Variants in SCYL2 observed in about 807,000 individuals in gnomAD.
SCYL2 encodes SCY1-like protein 2.
A neutral mutation model predicts 100.4 loss-of-function variants in SCYL2; 36 were observed. The ratio of observed to expected loss-of-function variants is 0.36; its 90% CI spans 0.27 to 0.47. SCYL2 has a LOEUF of 0.47. SCYL2 is among the 20% of genes least tolerant of loss of function. The probability of loss-of-function intolerance (pLI) is 1.00; values close to 1 mark genes in which losing one functional copy is unlikely to be tolerated. For synonymous variants in SCYL2, 330 were observed against 359.2 expected, an observed-to-expected ratio of 0.92 and a Z score of 0.92; for missense variants, 902 against 1,083.9, an observed-to-expected ratio of 0.83 and a Z score of 2.36.
At position 100,301,112 on chromosome 12, in the gene SCYL2, G is replaced by A. The variant is rs185029213; in HGVS notation, c.480+2937G>A. On this transcript the variant is annotated intron_variant, in intron 4 of 17. Coordinates refer to ENST00000360820, the MANE Select transcript of SCYL2 (RefSeq NM_017988.6). ...AGTTCTTGTACTAATTTACATCCCC[G>A]CCAACAGTGTACGAGGGTTCTATAT... is the stretch of plus-strand genomic sequence containing the variant. 5.9e-5 allele frequency among the ~76,000 whole-genome samples: 9 copies of A among 152,156 alleles called. No individual in the cohort carries two copies. In the East Asian group the frequency reaches 1.5e-3, roughly 26 times the overall value.
chr12:100,310,826 C>T (rs899860376), intron 4 of SCYL2, among the ~76,000 whole-genome samples: 8 of 152,158 alleles, frequency 5.3e-5, no homozygotes, highest in Admixed American at 4.6e-4. Context: ...AATAGGTGTA[C>T]TCTGGTTTTA....
Position 100,273,315 on chromosome 12 carries a change from T to C in SCYL2, c.-29+5523T>C, listed in dbSNP as rs554681450. Among the ~76,000 whole-genome samples, 12 of 152,314 alleles carry C rather than the reference T, an allele frequency of 7.9e-5. No individual in the cohort carries two copies. In the East Asian group the frequency reaches 2.3e-3, roughly 29 times the overall value. On this transcript the variant is annotated intron_variant, in intron 1 of 17. Coordinates refer to ENST00000360820, the MANE Select transcript of SCYL2 (RefSeq NM_017988.6). ...AGTTTACTCCTCTAGCATTACTGTT[T>C]TTGGGAAACATTCTATTCCTCTTCT... is the stretch of plus-strand genomic sequence containing the variant.
At chr12:100,281,943 T>G (rs1286175103) in intron 1 of SCYL2, among the ~76,000 whole-genome samples, 1 of 151,976 alleles carries the variant, frequency 6.6e-6, no homozygotes, top group East Asian at 1.9e-4. Context: ...TCAACACCTG[T>G]GAAAAGGGGT....
intron 4 of SCYL2, among the ~76,000 whole-genome samples, chr12:100,307,558 C>CTGCCT (rs1286897610): frequency 2.6e-5 from 4 of 152,110 alleles, no homozygotes; most frequent in Non-Finnish European, 5.9e-5. Context: ...AAAACCTAGG[C>CTGCCT]AATACCATTC....
At chr12:100,284,873 A>G (rs1045854318) in intron 2 of SCYL2, among the ~76,000 whole-genome samples, 1 of 152,176 alleles carries the variant, frequency 6.6e-6, no homozygotes, top group African/African-American at 2.4e-5. Flanking sequence ...TATTTAGAGA[A>G]TAAAAACTGT....
At chr12:100,293,343 T>C (rs1189357718) in intron 3 of SCYL2, among the ~76,000 whole-genome samples, 3 of 152,138 alleles carry the variant, frequency 2.0e-5, no homozygotes, top group Admixed American at 6.5e-5. Context: ...CTGTCTGTTA[T>C]GTAATACTAT....
At chr12:100,277,016 G>A (rs528846223) in intron 1 of SCYL2, among the ~76,000 whole-genome samples, 34 of 152,046 alleles carry the variant, frequency 2.2e-4, no homozygotes, top group African/African-American at 6.5e-4. Context: ...ATTTAAAAGC[G>A]TTGATTAATT....
chr12:100,295,762 T>TG (rs1343187943), intron 3 of SCYL2, among the ~76,000 whole-genome samples: 3 of 147,126 alleles, frequency 2.0e-5, no homozygotes, highest in Admixed American at 6.8e-5. Context: ...GGGGAGACCG[T>TG]GGGGAGACGG....
chr12:100,334,252 G>C lies in SCYL2; in HGVS notation c.1848G>C (p.Met616Ile), dbSNP rs767337013. The C allele has an allele frequency of 6.3e-7, 1 of 1,575,634 alleles. No homozygotes were observed. The highest frequency in any genetic ancestry group is 8.7e-7 in the Non-Finnish European group (1 of 1,149,794). ...CTAAACTGGAGCAACTTCATATAATGCAAGAACAGCAGAAGTAAGTAGGTT... is the reference window on the plus strand; with the variant it reads ...CTAAACTGGAGCAACTTCATATAATCCAAGAACAGCAGAAGTAAGTAGGTT... ...HKTKLEQLHI[M>I]QEQQKSLDIG... is the part of the protein sequence containing the mutation. Residue 616 changes from methionine (M) to isoleucine (I), a missense_variant, in exon 14 of 18, where the codon ATG becomes ATC. Physicochemically the swap from Met to Ile is conservative, Grantham distance 10. Transcript: ENST00000360820.
chr12:100,309,811 A>T (rs185251378), intron 4 of SCYL2, among the ~76,000 whole-genome samples: 1 of 152,292 alleles, frequency 6.6e-6, no homozygotes, highest in East Asian at 1.9e-4. Flanking sequence ...GAATTGCTGG[A>T]TCATACACTG....
chr12:100,279,989 T>C (rs537482421), intron 1 of SCYL2, among the ~76,000 whole-genome samples: 1 of 152,350 alleles, frequency 6.6e-6, no homozygotes, highest in Non-Finnish European at 1.5e-5. Flanking sequence ...TGCCAGTTTG[T>C]CCCTCCAGCT....
intron 10 of SCYL2, among the ~76,000 whole-genome samples, chr12:100,323,051 T>A (rs1188140474): frequency 6.6e-6 from 1 of 151,258 alleles, no homozygotes; most frequent in East Asian, 1.9e-4. Context: ...AAAAAAAAAT[T>A]AAACACTCCT....
chr12:100,283,135 G>T lies in SCYL2; in HGVS notation c.165G>T (p.Lys55Asn). 1 of 1,605,214 alleles carries T rather than the reference G, an allele frequency of 6.2e-7. No individual in the cohort carries two copies. The highest frequency in any genetic ancestry group is 8.5e-7 in the Non-Finnish European group (1 of 1,176,756). Residue 55 changes from lysine (K) to asparagine (N), a missense_variant, in exon 2 of 18, where the codon AAG (lysine) becomes AAT (asparagine). By Grantham distance (94) the Lys-to-Asn change is moderately conservative. Transcript: ENST00000360820. ...LAWKIFNGTKKSTKQEVAVFV... is the reference protein window; with the variant it reads ...LAWKIFNGTKNSTKQEVAVFV... Reference sequence around the variant, plus strand: ...GGAAGATTTTTAATGGCACAAAAAAGTCAACAAAGCAGGTGAGTTTTAATT... The same window carrying T: ...GGAAGATTTTTAATGGCACAAAAAATTCAACAAAGCAGGTGAGTTTTAATT...
In SCYL2 at chr12:100,329,118, ATT is replaced by A. The variant is rs757291734; in HGVS notation, c.1643-81_1643-80del. The A allele has an allele frequency of 4.2e-4, 294 of 697,728 alleles. 1 individual carries two copies. The highest frequency in any genetic ancestry group is 6.8e-4 in the Non-Finnish European group (264 of 389,274). 43.2% of individuals were successfully genotyped at this position (697,728 alleles called of 1,614,324 possible). ...CTTGTACTACACAGATTATCAAGGG[ATT>A]TCGTATACATATATTATTTTCATGA... On this transcript the variant is annotated intron_variant, in intron 12 of 17. Coordinates refer to ENST00000360820, the MANE Select transcript of SCYL2 (RefSeq NM_017988.6).
At chr12:100,294,439 A>G (rs1271996028) in intron 3 of SCYL2, among the ~76,000 whole-genome samples, 2 of 30,750 alleles carry the variant, frequency 6.5e-5, no homozygotes, top group Non-Finnish European at 1.3e-4. Flanking sequence ...GGGGCTCCTC[A>G]CTTCCCAGTA....
At chr12:100,303,224 C>A (rs768249293) in intron 4 of SCYL2, among the ~76,000 whole-genome samples, 13 of 152,068 alleles carry the variant, frequency 8.5e-5, no homozygotes, top group Non-Finnish European at 1.6e-4. Flanking sequence ...TTTGTTTTTA[C>A]TTACCTTCTG....
At chr12:100,312,029 C>G (rs2096342791) in intron 5 of SCYL2, among the ~76,000 whole-genome samples, 1 of 152,170 alleles carries the variant, frequency 6.6e-6, no homozygotes, top group Non-Finnish European at 1.5e-5. Context: ...AACTTCCACA[C>G]ATTTGTTTAA....
Position 100,335,706 on chromosome 12 carries a change from A to G in SCYL2, c.1929+15A>G, listed in dbSNP as rs142143070. ...TTGGGAATCAGGTAAGAAGCAGCTT[A>G]ATTTTTGCAGAAAGTATGCTTCATC... On this transcript the variant is annotated intron_variant, in intron 15 of 17. Transcript: ENST00000360820. The G allele has an allele frequency of 3.4e-4, 544 of 1,607,222 alleles. 8 individuals carry two copies. In the African/African-American group the frequency reaches 6.7e-3, roughly 20 times the overall value.
chr12:100,270,541 A>T (rs2096286481), intron 1 of SCYL2, among the ~76,000 whole-genome samples: 1 of 152,056 alleles, frequency 6.6e-6, no homozygotes, highest in Admixed American at 6.5e-5. Flanking sequence ...ACTTGGATGT[A>T]ATCTTTCCTC....
Sources: allele counts gnomAD v4.1 joint callset (sites outside exome capture counted in the v4.1 genomes callset), GRCh38; gene constraint gnomAD v4.1.1; transcripts MANE v1.5; gene names NCBI Gene and HGNC (gene_info 2026-07-23, HGNC 2026-07-21).